KIAA1328: variants seen among roughly 807,000 people sequenced by gnomAD.
KIAA1328 encodes the protein KIAA1328.
KIAA1328 carries 52 observed loss-of-function variants against 68.1 expected under a neutral mutation model. That is an observed-to-expected ratio of 0.76 (90% confidence interval 0.61 to 0.96). The LOEUF (loss-of-function observed/expected upper bound fraction) is 0.96. Among genes scored for constraint, KIAA1328 ranks in the 40% least tolerant of loss-of-function variants. The pLI, the probability that KIAA1328 is intolerant of heterozygous loss-of-function variation, is 0.00. For synonymous variants in KIAA1328, 232 were observed against 239.4 expected, an observed-to-expected ratio of 0.97 and a Z score of 0.28; for missense variants, 641 against 677.6, an observed-to-expected ratio of 0.95 and a Z score of 0.60.
chr18:37,043,240 C>A (rs1398240071), intron 6 of KIAA1328, among the ~76,000 whole-genome samples: 1 of 152,154 alleles, frequency 6.6e-6, no homozygotes, highest in Admixed American at 6.6e-5. Context: ...TATTTGGGCT[C>A]CCTCAGAAAC....
intron 7 of KIAA1328, chr18:37,083,991 C>T (rs777408778): frequency 9.5e-6 from 4 of 421,904 alleles, no homozygotes; most frequent in Middle Eastern, 6.0e-4. Flanking sequence ...AAGAATTACT[C>T]ATTTATTTTT....
Position 36,862,211 on chromosome 18 carries a change from G to A in KIAA1328, c.332+17909G>A, listed in dbSNP as rs374598474. The stretch of plus-strand genomic sequence containing the variant: ...AATCCATCAATTGTGTACAGATTTC[G>A]CCAATTTTACATGTATTTATTTGTG... On this transcript the variant is annotated intron_variant, in intron 4 of 9. Coordinates refer to ENST00000280020, the MANE Select transcript of KIAA1328 (RefSeq NM_020776.3). Among the ~76,000 whole-genome samples, 22 of 152,180 alleles carry A rather than the reference G, an allele frequency of 1.4e-4. No individual in the cohort carries two copies. The East Asian group carries it at 2.5e-3, about 17-fold the overall frequency.
At chr18:37,120,802 A>C (rs2058249482) in intron 7 of KIAA1328, among the ~76,000 whole-genome samples, 2 of 152,188 alleles carry the variant, frequency 1.3e-5, no homozygotes, top group Non-Finnish European at 2.9e-5. Context: ...AAAACCAAAA[A>C]AATGGATACT....
chr18:36,950,443 A>AT (rs2051112347), intron 5 of KIAA1328, among the ~76,000 whole-genome samples: 1 of 152,116 alleles, frequency 6.6e-6, no homozygotes, highest in South Asian at 2.1e-4. Context: ...TGCTGAAGAG[A>AT]TACCAAGATT....
intron 5 of KIAA1328, among the ~76,000 whole-genome samples, chr18:36,901,364 AGAT>A (rs2049032993): frequency 6.6e-6 from 1 of 152,060 alleles, no homozygotes; most frequent in Non-Finnish European, 1.5e-5. Flanking sequence ...GTGGAAGGAT[AGAT>A]TTATGGCAAA....
At chr18:36,864,028 T>C (rs1485891698) in intron 4 of KIAA1328, among the ~76,000 whole-genome samples, 1 of 152,202 alleles carries the variant, frequency 6.6e-6, no homozygotes, top group East Asian at 1.9e-4. Flanking sequence ...TGGTCCTAAC[T>C]AGAATTTCCA....
At chr18:37,100,388 C>T (rs371520714) in intron 7 of KIAA1328, among the ~76,000 whole-genome samples, 2 of 152,214 alleles carry the variant, frequency 1.3e-5, no homozygotes, top group East Asian at 1.9e-4. Flanking sequence ...GTGCCTGGCT[C>T]GGAGGGTCCT....
intron 5 of KIAA1328, among the ~76,000 whole-genome samples, chr18:36,894,631 C>T (rs1355630810): frequency 6.6e-6 from 1 of 151,900 alleles, no homozygotes; most frequent in East Asian, 1.9e-4. Flanking sequence ...CCCAAGCAGT[C>T]CTCCCACCTC....
chr18:37,049,300 A>G lies in KIAA1328; in HGVS notation c.577-17590A>G, dbSNP rs573292477. On this transcript the variant is annotated intron_variant, in intron 6 of 9. Transcript: ENST00000280020. ...GGCACAACTAGTCTGAACTGGGGAC[A>G]TAGGAAAACCACAATGGAGGAAAAT... Among the ~76,000 whole-genome samples the G allele has an allele frequency of 3.3e-5, 5 of 152,324 alleles. No homozygotes were observed. The South Asian group carries it at 1.0e-3, about 32-fold the overall frequency.
At chr18:37,114,206 A>G (rs1456622902) in intron 7 of KIAA1328, among the ~76,000 whole-genome samples, 1 of 152,210 alleles carries the variant, frequency 6.6e-6, no homozygotes, top group African/African-American at 2.4e-5. Context: ...CAGACTATAC[A>G]TTCTTCTCAG....
intron 9 of KIAA1328, among the ~76,000 whole-genome samples, chr18:37,211,455 A>G (rs553682440): frequency 2.2e-4 from 34 of 152,322 alleles, no homozygotes; most frequent in African/African-American, 7.9e-4. Flanking sequence ...CTGGCCAGTC[A>G]GATATAAGGA....
intron 7 of KIAA1328, among the ~76,000 whole-genome samples, chr18:37,082,718 A>G (rs1790061260): frequency 6.6e-6 from 1 of 152,216 alleles, no homozygotes; most frequent in African/African-American, 2.4e-5. Context: ...CCTTGTTACT[A>G]CATGATTGCC....
intron 9 of KIAA1328, among the ~76,000 whole-genome samples, chr18:37,183,966 G>T (rs1239793277): frequency 6.6e-6 from 1 of 152,100 alleles, no homozygotes; most frequent in Non-Finnish European, 1.5e-5. Flanking sequence ...CCCCACAAAG[G>T]ATGTGGACGT....
chr18:37,023,256 C>T (rs967835689), intron 6 of KIAA1328, among the ~76,000 whole-genome samples: 2 of 152,012 alleles, frequency 1.3e-5, no homozygotes, highest in African/African-American at 4.8e-5. Flanking sequence ...GCTCTGTTGC[C>T]CAGGCTGGTG....
chr18:37,213,270 G>T (rs971301685), intron 9 of KIAA1328, among the ~76,000 whole-genome samples: 3 of 152,006 alleles, frequency 2.0e-5, no homozygotes, highest in African/African-American at 7.3e-5. Flanking sequence ...TTTACATTAG[G>T]TATTTCTCCT....
At chr18:37,131,205 C>G (rs1342275798) in intron 7 of KIAA1328, among the ~76,000 whole-genome samples, 1 of 152,144 alleles carries the variant, frequency 6.6e-6, no homozygotes. Context: ...TAACATATGA[C>G]TATGTTCAGT....
At chr18:36,837,589 A>G (rs1410102576) in intron 3 of KIAA1328, among the ~76,000 whole-genome samples, 1 of 152,044 alleles carries the variant, frequency 6.6e-6, no homozygotes, top group Non-Finnish European at 1.5e-5. Flanking sequence ...TAAAATTTTG[A>G]TGAAGTTCAG....
chr18:36,968,465 A>G (rs1187890319), intron 6 of KIAA1328, among the ~76,000 whole-genome samples: 1 of 152,212 alleles, frequency 6.6e-6, no homozygotes, highest in Non-Finnish European at 1.5e-5. Flanking sequence ...TAAGGGTTGC[A>G]ATTCTAATAT....
intron 6 of KIAA1328, among the ~76,000 whole-genome samples, chr18:36,991,660 T>C (rs1026193602): frequency 3.3e-5 from 5 of 152,208 alleles, no homozygotes; most frequent in Non-Finnish European, 5.9e-5. Flanking sequence ...TGCAGTTGTA[T>C]GGTTCTTCTG....
Sources: allele counts gnomAD v4.1 joint callset (sites outside exome capture counted in the v4.1 genomes callset), GRCh38; gene constraint gnomAD v4.1.1; transcripts MANE v1.5; gene names NCBI Gene and HGNC (gene_info 2026-07-23, HGNC 2026-07-21).